NTM: variants seen among roughly 807,000 people sequenced by gnomAD.
NTM encodes neurotrimin, also known as IgLON family member 2.
A neutral mutation model predicts 42.1 loss-of-function variants in NTM; 13 were observed. The ratio of observed to expected loss-of-function variants is 0.31; its 90% CI spans 0.20 to 0.49. The LOEUF (loss-of-function observed/expected upper bound fraction) is 0.49. NTM is among the 20% of genes least tolerant of loss of function. NTM has a pLI of 0.99. For synonymous variants in NTM, 187 were observed against 179.2 expected, an observed-to-expected ratio of 1.04 and a Z score of -0.35; for missense variants, 373 against 452.8, an observed-to-expected ratio of 0.82 and a Z score of 1.60.
chr11:131,935,785 G>A (rs1289363743), intron 2 of NTM, among the ~76,000 whole-genome samples: 1 of 152,142 alleles, frequency 6.6e-6, no homozygotes, highest in African/African-American at 2.4e-5. Context: ...CAAAATTACA[G>A]AAGAATCTGT....
chr11:132,158,638 A>T (rs780437956), intron 3 of NTM, among the ~76,000 whole-genome samples: 1 of 152,214 alleles, frequency 6.6e-6, no homozygotes, highest in Non-Finnish European at 1.5e-5. Flanking sequence ...CAAATAAATG[A>T]ATGAATGAAA....
At chr11:131,750,830 C>T (rs2082398487) in intron 1 of NTM, among the ~76,000 whole-genome samples, 1 of 152,166 alleles carries the variant, frequency 6.6e-6, no homozygotes, top group African/African-American at 2.4e-5. Flanking sequence ...TGGATCCAAT[C>T]CTAAGCGCTT....
At chr11:131,834,511 T>C (rs2043218480) in intron 1 of NTM, among the ~76,000 whole-genome samples, 2 of 151,662 alleles carry the variant, frequency 1.3e-5, no homozygotes, top group South Asian at 4.2e-4. Context: ...CTGGTCCCTA[T>C]CATCCTAATC....
At chr11:131,699,743 T>G (rs1227372697) in intron 1 of NTM, among the ~76,000 whole-genome samples, 2 of 152,068 alleles carry the variant, frequency 1.3e-5, no homozygotes, top group Non-Finnish European at 2.9e-5. Context: ...GAAAAGTCCC[T>G]TATAAAACCA....
chr11:131,648,787 G>T (rs527245348), intron 1 of NTM, among the ~76,000 whole-genome samples: 1 of 152,250 alleles, frequency 6.6e-6, no homozygotes, highest in African/African-American at 2.4e-5. Flanking sequence ...TCACACTCTT[G>T]TTTCCTCACT....
Position 132,310,251 on chromosome 11 carries a change from CT to C in NTM, c.782+20del. 1.3e-6 allele frequency: 2 copies of C among 1,576,786 alleles called. No individual in the cohort carries two copies. The highest frequency in any genetic ancestry group is 1.7e-6 in the Non-Finnish European group (2 of 1,166,120). On this transcript the variant is annotated intron_variant, in intron 6 of 8. Coordinates refer to ENST00000683400, the MANE Select transcript of NTM (RefSeq NM_001352005.2). Reference sequence around the variant, plus strand: ...ACAAAAGGTAAAGCTTCCTTCTTTCCTATCCCACCCCTACCCCCATCTCCAG... The same window carrying C: ...ACAAAAGGTAAAGCTTCCTTCTTTCCATCCCACCCCTACCCCCATCTCCAG...
chr11:132,155,601 C>G (rs557220148), intron 3 of NTM, among the ~76,000 whole-genome samples: 25 of 152,324 alleles, frequency 1.6e-4, no homozygotes, highest in Admixed American at 3.3e-4. Context: ...TCTCTTGCCA[C>G]CATCTCCTGT....
intron 2 of NTM, among the ~76,000 whole-genome samples, chr11:131,935,561 C>T (rs1315497402): frequency 6.6e-6 from 1 of 150,730 alleles, no homozygotes; most frequent in Non-Finnish European, 1.5e-5. Context: ...GTGCTGACCA[C>T]AGATAATTAG....
chr11:131,610,744 GTGAGTAGTAGCA>G, intron 1 of NTM, among the ~76,000 whole-genome samples: 1 of 152,180 alleles, frequency 6.6e-6, no homozygotes, highest in East Asian at 1.9e-4. Flanking sequence ...GGAGGAGGGC[GTGAGTAGTAGCA>G]TGAGATGAGG....
intron 1 of NTM, among the ~76,000 whole-genome samples, chr11:131,804,396 C>G (rs1028775515): frequency 1.5e-4 from 23 of 152,174 alleles, no homozygotes; most frequent in Admixed American, 1.2e-3. Flanking sequence ...TGTGCCTACT[C>G]TGGTCTATCT....
intron 3 of NTM, among the ~76,000 whole-genome samples, chr11:132,170,109 G>T (rs778535137): frequency 2.6e-5 from 4 of 152,206 alleles, no homozygotes; most frequent in Admixed American, 6.5e-5. Flanking sequence ...AGCCGGGATA[G>T]CCACATCAGG....
chr11:131,541,297 G>A (rs1411877277), intron 1 of NTM, among the ~76,000 whole-genome samples: 7 of 152,158 alleles, frequency 4.6e-5, no homozygotes, highest in African/African-American at 9.7e-5. Flanking sequence ...ATGAAATTAC[G>A]GAGGCTGTTA....
At chr11:132,293,967 G>C (rs2094534595) in intron 4 of NTM, among the ~76,000 whole-genome samples, 1 of 152,088 alleles carries the variant, frequency 6.6e-6, no homozygotes, top group Admixed American at 6.5e-5. Flanking sequence ...TTACAGAATT[G>C]GTTATGGAAG....
intron 1 of NTM, among the ~76,000 whole-genome samples, chr11:131,583,625 A>T (rs1033735028): frequency 6.6e-6 from 1 of 152,140 alleles, no homozygotes; most frequent in African/African-American, 2.4e-5. Flanking sequence ...TCCACCAAAT[A>T]TCCTAGGAGG....
intron 1 of NTM, among the ~76,000 whole-genome samples, chr11:131,435,084 A>C (rs1949012840): frequency 1.3e-5 from 2 of 152,142 alleles, no homozygotes; most frequent in African/African-American, 2.4e-5. Context: ...AGGTTTGTTA[A>C]AGATCAGATG....
intron 1 of NTM, among the ~76,000 whole-genome samples, chr11:131,578,585 G>C (rs2058131167): frequency 6.6e-6 from 1 of 152,162 alleles, no homozygotes; most frequent in Non-Finnish European, 1.5e-5. Context: ...CATGAGGCCA[G>C]AGAGTATGGC....
chr11:132,097,299 C>A (rs898213334), intron 2 of NTM, among the ~76,000 whole-genome samples: 16 of 152,158 alleles, frequency 1.1e-4, no homozygotes, highest in Non-Finnish European at 5.9e-5. Flanking sequence ...TGTGATTGAC[C>A]TGGTCGAGTG....
At chr11:131,598,747 C>CTTTCTTTCTTTT (rs1182525836) in intron 1 of NTM, among the ~76,000 whole-genome samples, 1 of 73,370 alleles carries the variant, frequency 1.4e-5, no homozygotes, top group Non-Finnish European at 3.0e-5. Flanking sequence ...TTCTTTCTTT[C>CTTTCTTTCTTTT]TTTCTTTCTT....
At chr11:131,566,365 G>A (rs559389488) in intron 1 of NTM, among the ~76,000 whole-genome samples, 2 of 152,180 alleles carry the variant, frequency 1.3e-5, no homozygotes, top group East Asian at 1.9e-4. Context: ...CCTTTATGCT[G>A]CTTTCTCCAG....
Sources: allele counts gnomAD v4.1 joint callset (sites outside exome capture counted in the v4.1 genomes callset), GRCh38; gene constraint gnomAD v4.1.1; transcripts MANE v1.5; gene names NCBI Gene and HGNC (gene_info 2026-07-23, HGNC 2026-07-21).